DLG2: variants seen among roughly 807,000 people sequenced by gnomAD.
DLG2 encodes discs large MAGUK scaffold protein 2.
In DLG2, 45 loss-of-function variants were observed where a neutral mutation model predicts 132.5. The ratio of observed to expected loss-of-function variants is 0.34; its 90% CI spans 0.27 to 0.44. The LOEUF (loss-of-function observed/expected upper bound fraction) is 0.44, where lower values mean the gene tolerates loss of function less well. DLG2 is among the 20% of genes least tolerant of loss of function. The pLI is 1.00. For missense variants in DLG2, 1,045 were observed against 1,196.9 expected (o/e 0.87, Z 1.87); for synonymous variants, 424 against 419.6 (o/e 1.01, Z -0.13).
chr11:84,187,241 G>T (rs781038638), intron 8 of DLG2, among the ~76,000 whole-genome samples: 27 of 151,678 alleles, frequency 1.8e-4, no homozygotes, highest in Non-Finnish European at 2.5e-4. Flanking sequence ...TAATAACAGA[G>T]CTGGTATATC....
At chr11:84,934,741 T>C (rs918911269) in intron 6 of DLG2, among the ~76,000 whole-genome samples, 1 of 151,926 alleles carries the variant, frequency 6.6e-6, no homozygotes, top group African/African-American at 2.4e-5. Flanking sequence ...TTTTACTGTC[T>C]CTTCCTGCAG....
rs542476924 is a variant in DLG2 at position 84,243,017 on chromosome 11, C to CTCTCTCTATA, written c.573+8220_573+8221insTATAGAGAGA. On this transcript the variant is annotated intron_variant, in intron 8 of 27. Transcript: ENST00000376104. Reference sequence around the variant, plus strand: ...GTTCTCTCTCTCTCTCTCTCTCTCTCTATATATATATATATATATATACAC... The same window carrying CTCTCTCTATA: ...GTTCTCTCTCTCTCTCTCTCTCTCTCTCTCTCTATATATATATATATATATATATATACAC... Among the ~76,000 whole-genome samples, 822 of 142,148 alleles carry CTCTCTCTATA rather than the reference C, an allele frequency of 5.8e-3. 5 individuals carry two copies. Among genetic ancestry groups the CTCTCTCTATA allele is most frequent in the African/African-American group, 0.013 (512 of 38,130 alleles). 93.3% of individuals were successfully genotyped at this position (142,148 alleles called of 152,430 possible).
At chr11:85,319,655 G>A (rs2080917063) in intron 3 of DLG2, among the ~76,000 whole-genome samples, 1 of 151,828 alleles carries the variant, frequency 6.6e-6, no homozygotes, top group African/African-American at 2.4e-5. Context: ...TGTCTGAATA[G>A]TTTGAAAATT....
At chr11:83,801,021 C>A (rs985951587) in intron 17 of DLG2, among the ~76,000 whole-genome samples, 9 of 152,124 alleles carry the variant, frequency 5.9e-5, no homozygotes, top group African/African-American at 9.7e-5. Flanking sequence ...TCATCGTGCT[C>A]AAAATCAAAC....
chr11:85,041,391 A>G (rs1289657316), intron 6 of DLG2, among the ~76,000 whole-genome samples: 1 of 151,962 alleles, frequency 6.6e-6, no homozygotes, highest in Non-Finnish European at 1.5e-5. Context: ...CTGTCACTAA[A>G]GCAATATATC....
chr11:85,116,675 G>A (rs914696434), intron 5 of DLG2, among the ~76,000 whole-genome samples: 1 of 151,834 alleles, frequency 6.6e-6, no homozygotes. Flanking sequence ...ATACATTATA[G>A]GTGGAAATAT....
intron 18 of DLG2, among the ~76,000 whole-genome samples, chr11:83,774,991 C>T (rs1321644931): frequency 6.6e-6 from 1 of 151,954 alleles, no homozygotes; most frequent in Non-Finnish European, 1.5e-5. Flanking sequence ...TAGAGCCAAG[C>T]CCAAGACTCC....
intron 7 of DLG2, among the ~76,000 whole-genome samples, chr11:84,471,141 T>C (rs2154490155): frequency 6.6e-6 from 1 of 151,848 alleles, no homozygotes; most frequent in African/African-American, 2.4e-5. Flanking sequence ...GCAACCCAGA[T>C]GGAACTGGGG....
chr11:83,850,537 G>T (rs898062112), intron 16 of DLG2, among the ~76,000 whole-genome samples: 5 of 152,166 alleles, frequency 3.3e-5, no homozygotes, highest in Non-Finnish European at 5.9e-5. Context: ...ATAAGGAAAA[G>T]CATAAATTAA....
In DLG2 at chr11:84,736,324, T is replaced by C. The variant is rs140507324; in HGVS notation, c.358-201593A>G. ...TGTTCTTCTTTGATCTCCAACTTTG[T>C]TCACTTTTTTTTTCAGAGCTGTTTT... On this transcript the variant is annotated intron_variant, in intron 6 of 27. Transcript: ENST00000376104. Among the ~76,000 whole-genome samples the C allele has an allele frequency of 5.1e-3, 773 of 151,946 alleles. 5 individuals are homozygous for C. The highest frequency in any genetic ancestry group is 0.034 in the Middle Eastern group (10 of 290).
intron 18 of DLG2, among the ~76,000 whole-genome samples, chr11:83,665,274 G>A (rs1395468995): frequency 2.0e-5 from 3 of 152,308 alleles, no homozygotes; most frequent in Middle Eastern, 3.4e-3. Context: ...TAGGAGAGAA[G>A]CAATGGGCTG....
chr11:83,479,959 G>C (rs1671825547), intron 22 of DLG2, among the ~76,000 whole-genome samples: 1 of 152,022 alleles, frequency 6.6e-6, no homozygotes. Context: ...CTATAAAGGG[G>C]AGCCAAGAAC....
chr11:84,063,706 AC>A (rs923362665), intron 10 of DLG2, among the ~76,000 whole-genome samples: 8 of 152,166 alleles, frequency 5.3e-5, no homozygotes, highest in African/African-American at 1.9e-4. Flanking sequence ...AAGACTTGGA[AC>A]CAACCCAAAT....
intron 6 of DLG2, among the ~76,000 whole-genome samples, chr11:84,714,527 C>CTCTTTCTCTT (rs1241248517): frequency 4.8e-5 from 5 of 103,710 alleles, no homozygotes; most frequent in African/African-American, 4.0e-4. Context: ...AACCCATTTC[C>CTCTTTCTCTT]TCTTTCTCTT....
chr11:85,450,731 T>C (rs2092208970), intron 3 of DLG2, among the ~76,000 whole-genome samples: 2 of 152,192 alleles, frequency 1.3e-5, no homozygotes, highest in Non-Finnish European at 2.9e-5. Flanking sequence ...AAGATAAAAC[T>C]TAGCTATAAT....
chr11:84,398,552 C>T (rs901220100), intron 7 of DLG2, among the ~76,000 whole-genome samples: 7 of 152,244 alleles, frequency 4.6e-5, no homozygotes, highest in African/African-American at 1.7e-4. Flanking sequence ...ATAGGATTTG[C>T]AATAAATGCA....
At chr11:84,764,494 T>C (rs1318882613) in intron 6 of DLG2, among the ~76,000 whole-genome samples, 2 of 152,080 alleles carry the variant, frequency 1.3e-5, no homozygotes, top group Admixed American at 1.3e-4. Flanking sequence ...CACTTTATAA[T>C]AAAAAATGGC....
chr11:85,607,040 A>C (rs1360528616), intron 2 of DLG2, among the ~76,000 whole-genome samples: 1 of 152,204 alleles, frequency 6.6e-6, no homozygotes, highest in Non-Finnish European at 1.5e-5. Flanking sequence ...TTTGGCGACC[A>C]TGAAGGGACC....
In DLG2 at chr11:84,869,048, A is replaced by G. The variant is rs2085065724; in HGVS notation, c.357+242613T>C. 3.9e-5 allele frequency among the ~76,000 whole-genome samples: 6 copies of G among 152,344 alleles called. No homozygotes were observed. The South Asian group carries it at 1.2e-3, about 32-fold the overall frequency. On this transcript the variant is annotated intron_variant, in intron 6 of 27. Coordinates refer to ENST00000376104, the MANE Select transcript of DLG2 (RefSeq NM_001142699.3). ...TCTCTAACAAATGTTATCAATTAAGAACAGGACAGAGTAAAATGTACATTT... is the reference window on the plus strand; with the variant it reads ...TCTCTAACAAATGTTATCAATTAAGGACAGGACAGAGTAAAATGTACATTT...
Sources: allele counts gnomAD v4.1 joint callset (sites outside exome capture counted in the v4.1 genomes callset), GRCh38; gene constraint gnomAD v4.1.1; transcripts MANE v1.5; gene names NCBI Gene and HGNC (gene_info 2026-07-23, HGNC 2026-07-21).